Variants in SP140L observed in about 807,000 individuals in gnomAD.
SP140L encodes the protein SP140 like nuclear body protein.
Under a neutral mutation model 84.3 loss-of-function variants are expected in SP140L, and 64 were observed. The ratio of observed to expected loss-of-function variants is 0.76; its 90% CI spans 0.62 to 0.94. The LOEUF (loss-of-function observed/expected upper bound fraction) is 0.94, where lower values mean the gene tolerates loss of function less well. Among genes scored for constraint, SP140L ranks in the 40% least tolerant of loss-of-function variants. The pLI, the probability that SP140L is intolerant of heterozygous loss-of-function variation, is 0.00. For synonymous variants in SP140L, 242 were observed against 236.9 expected, an observed-to-expected ratio of 1.02 and a Z score of -0.20; for missense variants, 628 against 692.5, an observed-to-expected ratio of 0.91 and a Z score of 1.05.
chr2:230,354,937 A>AGAAAG (rs1203919098), intron 2 of SP140L, among the ~76,000 whole-genome samples: 3 of 151,650 alleles, frequency 2.0e-5, no homozygotes, highest in African/African-American at 7.3e-5. Context: ...AAAAAGAAAA[A>AGAAAG]GAAAAAGAAA....
chr2:230,366,300 A>T (rs1243227295), intron 5 of SP140L, among the ~76,000 whole-genome samples: 1 of 152,114 alleles, frequency 6.6e-6, no homozygotes, highest in Non-Finnish European at 1.5e-5. Context: ...GGTTGCTCAG[A>T]TGTTGGGTGC....
At chr2:230,335,946 C>T (rs948536242) in intron 2 of SP140L, among the ~76,000 whole-genome samples, 2 of 152,174 alleles carry the variant, frequency 1.3e-5, no homozygotes, top group Non-Finnish European at 2.9e-5. Flanking sequence ...AAAGCAAGTA[C>T]ATACTCAAGA....
Position 230,392,151 on chromosome 2 carries a change from C to G in SP140L, c.1029C>G (p.Ile343Met). The stretch of plus-strand genomic sequence containing the variant: ...GGTTCACCCCCATGGAATTTGAAAT[C>G]AAAGGAGGCTACGCAAGATCAAAGA... ...GKWFTPMEFE[I>M]KGGYARSKNW... Residue 343 changes from isoleucine to methionine, a missense_variant, in exon 12 of 19, where the codon ATC (isoleucine) becomes ATG (methionine). By Grantham distance (10) the Ile-to-Met change is conservative. Coordinates refer to ENST00000415673, the MANE Select transcript of SP140L (RefSeq NM_138402.6). The G allele has an allele frequency of 1.9e-6, 3 of 1,614,066 alleles. No homozygotes were observed. The highest frequency in any genetic ancestry group is 2.5e-6 in the Non-Finnish European group (3 of 1,179,944).
chr2:230,397,565 T>C (rs1197022544), intron 14 of SP140L, among the ~76,000 whole-genome samples: 1 of 152,188 alleles, frequency 6.6e-6, no homozygotes, highest in Admixed American at 6.5e-5. Flanking sequence ...ATGGATGAGT[T>C]CTTTCTTTAA....
At chr2:230,394,389 A>G (rs929130367) in intron 13 of SP140L, among the ~76,000 whole-genome samples, 1 of 152,264 alleles carries the variant, frequency 6.6e-6, no homozygotes, top group Non-Finnish European at 1.5e-5. Flanking sequence ...CTTCTAAAAC[A>G]GCTCACACAT....
chr2:230,358,493 C>G (rs543101730), intron 3 of SP140L, among the ~76,000 whole-genome samples: 4 of 152,096 alleles, frequency 2.6e-5, no homozygotes, highest in African/African-American at 9.7e-5. Context: ...TACAGAACAG[C>G]GAGTCATCTC....
Position 230,327,228 on chromosome 2 carries a change from T to G in SP140L, c.-42T>G, listed in dbSNP as rs754724691. On this transcript the variant is annotated 5_prime_UTR_variant, in exon 1 of 19. Transcript: ENST00000415673. ...CAGGCTGGGCCGACTGGGGAGCTCA[T>G]AGGCCAGGCTCTGACACCCAGGCAG... The G allele has an allele frequency of 6.3e-7, 1 of 1,593,584 alleles. No homozygotes were observed. The highest frequency in any genetic ancestry group is 8.5e-7 in the Non-Finnish European group (1 of 1,169,948).
chr2:230,354,201 T>C (rs1262069612), intron 2 of SP140L, among the ~76,000 whole-genome samples: 1 of 152,192 alleles, frequency 6.6e-6, no homozygotes, highest in Non-Finnish European at 1.5e-5. Context: ...AAATGTCTAT[T>C]GATCTGTGGT....
chr2:230,354,086 T>C (rs1222398704), intron 2 of SP140L, among the ~76,000 whole-genome samples: 1 of 152,184 alleles, frequency 6.6e-6, no homozygotes, highest in Non-Finnish European at 1.5e-5. Flanking sequence ...TAGTTACCAT[T>C]TGGAATTTCC....
chr2:230,396,596 G>C (rs1358097641), intron 13 of SP140L, among the ~76,000 whole-genome samples, 161 bp from the exon 14 acceptor site: 2 of 152,192 alleles, frequency 1.3e-5, no homozygotes, highest in East Asian at 3.8e-4. Context: ...GGAAATTAAA[G>C]CACTGGAGCC....
chr2:230,370,761 GAAA>G, intron 5 of SP140L, 144 bp from the exon 6 acceptor site: 1 of 644,004 alleles, frequency 1.6e-6, no homozygotes, highest in Non-Finnish European at 2.8e-6. Context: ...GATTTCGGAG[GAAA>G]AAGTAGAGAA....
At chr2:230,358,377 C>T (rs1401335215) in intron 3 of SP140L, among the ~76,000 whole-genome samples, 1 of 152,134 alleles carries the variant, frequency 6.6e-6, no homozygotes, top group Non-Finnish European at 1.5e-5. Context: ...GAAGTAGATG[C>T]TTGTTATTCT....
rs763479508 is a variant in SP140L at position 230,357,797 on chromosome 2, T to G, written c.108-8T>G. On this transcript the variant is annotated splice_region_variant and splice_polypyrimidine_tract_variant and intron_variant, in intron 2 of 18. Coordinates refer to ENST00000415673, the MANE Select transcript of SP140L (RefSeq NM_138402.6). ...TGACCATTTTCATTTGGTGTCCTTT[T>G]TCCTTAGGCTGTTCACGGAAGACCA... 3.1e-6 allele frequency: 5 copies of G among 1,594,680 alleles called. No individual in the cohort carries two copies. The East Asian group carries it at 1.1e-4, about 36-fold the overall frequency.
chr2:230,389,208 G>A (rs145853900), intron 10 of SP140L, among the ~76,000 whole-genome samples: 7 of 152,166 alleles, frequency 4.6e-5, no homozygotes, highest in South Asian at 2.1e-4. Flanking sequence ...ACCAAAGACC[G>A]CTTCCCCTGC....
rs754985487 is a variant in SP140L, at chr2:230,351,484, C to T, written c.108-6321C>T. 4.7e-4 allele frequency among the ~76,000 whole-genome samples: 71 copies of T among 152,228 alleles called. No homozygotes were observed. In the Middle Eastern group the frequency reaches 0.01, roughly 22 times the overall value. On this transcript the variant is annotated intron_variant, in intron 2 of 18. Transcript: ENST00000415673. ...TGCCTATTAATATCAGGTATATTAA[C>T]CCTTTGTCATACATATTGAGAATGT...
intron 2 of SP140L, among the ~76,000 whole-genome samples, chr2:230,350,380 C>T (rs2060329378): frequency 6.6e-6 from 1 of 152,196 alleles, no homozygotes; most frequent in Non-Finnish European, 1.5e-5. Flanking sequence ...TGATAATGCA[C>T]TCAACCATTC....
chr2:230,401,167 G>C (rs550184553), intron 16 of SP140L, 104 bp downstream of exon 16: 1 of 644,670 alleles, frequency 1.6e-6, no homozygotes, highest in Non-Finnish European at 2.7e-6. Context: ...CTGCTCTTCC[G>C]CGCCACACTT....
intron 10 of SP140L, among the ~76,000 whole-genome samples, chr2:230,389,564 G>A (rs551432397): frequency 1.3e-5 from 2 of 152,236 alleles, no homozygotes; most frequent in South Asian, 2.1e-4. Flanking sequence ...CTACCTAACT[G>A]CAGCAAAACA....
At chr2:230,398,138 T>C (rs1302136303) in intron 14 of SP140L, among the ~76,000 whole-genome samples, 1 of 152,314 alleles carries the variant, frequency 6.6e-6, no homozygotes, top group Non-Finnish European at 1.5e-5. Flanking sequence ...AATTAATCAA[T>C]CTGGACTATG....
Sources: gnomAD v4.1 joint callset for allele counts (sites outside exome capture counted in the v4.1 genomes callset) on GRCh38, gnomAD v4.1.1 for gene constraint, MANE v1.5 for transcripts, NCBI Gene and HGNC (gene_info 2026-07-23, HGNC 2026-07-21) for gene names.